TAFA4: variants seen among roughly 807,000 people sequenced by gnomAD.
TAFA4 encodes TAFA chemokine like family member 4, also known as chemokine-like protein TAFA-4.
A neutral mutation model predicts 21.1 loss-of-function variants in TAFA4; 20 were observed. That is an observed-to-expected ratio of 0.95 (90% CI 0.67 to 1.38). The LOEUF (loss-of-function observed/expected upper bound fraction) is 1.38, where lower values mean the gene tolerates loss of function less well. Ranked by LOEUF, TAFA4 falls within the 40% of genes most tolerant of loss-of-function variation. The pLI is 0.00. For synonymous variants in TAFA4, 71 were observed against 67.4 expected, an observed-to-expected ratio of 1.05 and a Z score of -0.26; for missense variants, 211 against 180.9, an observed-to-expected ratio of 1.17 and a Z score of -0.95.
At chr3:68,909,451 A>G (rs1559560406) in intron 1 of TAFA4, among the ~76,000 whole-genome samples, 1 of 152,304 alleles carries the variant, frequency 6.6e-6, no homozygotes, top group East Asian at 1.9e-4. Context: ...CTCAGTAAAT[A>G]TATCTACTGA....
chr3:68,858,837 A>T (rs1705131953), intron 3 of TAFA4, among the ~76,000 whole-genome samples: 1 of 152,028 alleles, frequency 6.6e-6, no homozygotes, highest in Non-Finnish European at 1.5e-5. Context: ...AAGAAACTTG[A>T]AATTTGAAAT....
At chr3:68,841,537 G>T (rs966405214) in intron 3 of TAFA4, among the ~76,000 whole-genome samples, 1 of 151,930 alleles carries the variant, frequency 6.6e-6, no homozygotes, top group Non-Finnish European at 1.5e-5. Context: ...TACTAGAGGG[G>T]TTTAAGAGGA....
chr3:68,809,738 G>A (rs1703791803), intron 3 of TAFA4, among the ~76,000 whole-genome samples: 1 of 152,058 alleles, frequency 6.6e-6, no homozygotes, highest in Non-Finnish European at 1.5e-5. Flanking sequence ...TGTACATGGT[G>A]TGAGACGAGA....
At chr3:68,787,114 A>G (rs941349496) in intron 3 of TAFA4, among the ~76,000 whole-genome samples, 1 of 152,204 alleles carries the variant, frequency 6.6e-6, no homozygotes, top group Admixed American at 6.5e-5. Flanking sequence ...ATAATTAAAG[A>G]AGAGTCAGTT....
Position 68,732,635 on chromosome 3 carries a change from A to G in TAFA4, c.*507T>C. 6.5e-6 allele frequency: 1 copy of G among 153,376 alleles called. No homozygotes were observed. 9.5% of individuals were successfully genotyped at this position (153,376 alleles called of 1,614,324 possible). A position where few individuals can be genotyped will look rare whatever the true frequency, so the allele number is the denominator to read the frequency against. On this transcript the variant is annotated 3_prime_UTR_variant, in exon 6 of 6. Coordinates refer to ENST00000295569, the MANE Select transcript of TAFA4 (RefSeq NM_182522.5). ...AATAAACGTTCTTTACCAGTTAATC[A>G]GTTGATCTCTAGCAGTAATTTTCTT...
intron 3 of TAFA4, among the ~76,000 whole-genome samples, chr3:68,838,914 T>C (rs896572752): frequency 2.6e-5 from 4 of 152,048 alleles, no homozygotes; most frequent in Admixed American, 6.6e-5. Context: ...CTGGGCAACA[T>C]GGTGAAACCC....
At chr3:68,760,439 G>A (rs888061938) in intron 3 of TAFA4, among the ~76,000 whole-genome samples, 3 of 152,176 alleles carry the variant, frequency 2.0e-5, no homozygotes, top group African/African-American at 4.8e-5. Flanking sequence ...GAAAGCATCA[G>A]ATTAGGGAGA....
chr3:68,779,281 T>C (rs1022540266), intron 3 of TAFA4, among the ~76,000 whole-genome samples: 1 of 152,162 alleles, frequency 6.6e-6, no homozygotes, highest in African/African-American at 2.4e-5. Flanking sequence ...TTTGGAAAAC[T>C]TGTAGCCTGA....
intron 3 of TAFA4, among the ~76,000 whole-genome samples, chr3:68,796,223 T>G (rs530240385): frequency 1.2e-3 from 187 of 152,076 alleles, no homozygotes; most frequent in African/African-American, 4.3e-3. Flanking sequence ...ATAACAATGA[T>G]TAGGAAATAA....
chr3:68,825,438 A>C (rs1051855756), intron 3 of TAFA4, among the ~76,000 whole-genome samples: 1 of 151,584 alleles, frequency 6.6e-6, no homozygotes, highest in African/African-American at 2.4e-5. Flanking sequence ...AATATAAATT[A>C]TTCTATTATA....
chr3:68,819,031 G>A lies in TAFA4; in HGVS notation c.130+61699C>T, dbSNP rs535862213. 2.6e-5 allele frequency among the ~76,000 whole-genome samples: 4 copies of A among 152,250 alleles called. No homozygotes were observed. The East Asian group carries it at 7.7e-4, about 29-fold the overall frequency. The stretch of plus-strand genomic sequence containing the variant: ...CATATGCCTACAATCCCAGCATTTT[G>A]GGAGGCCAAGGCAGGTGGATCACTC... On this transcript the variant is annotated intron_variant, in intron 3 of 5. Transcript: ENST00000295569.
chr3:68,774,259 A>C (rs1703009432), intron 3 of TAFA4, among the ~76,000 whole-genome samples: 1 of 152,240 alleles, frequency 6.6e-6, no homozygotes, highest in South Asian at 2.1e-4. Flanking sequence ...TAATGTTAAT[A>C]CTACTGAATT....
chr3:68,926,060 C>T (rs1178981057), intron 1 of TAFA4, among the ~76,000 whole-genome samples: 1 of 151,976 alleles, frequency 6.6e-6, no homozygotes, highest in Non-Finnish European at 1.5e-5. Flanking sequence ...GGTGAAACCC[C>T]GTCTCTACTA....
chr3:68,833,316 C>A (rs999944685), intron 3 of TAFA4, among the ~76,000 whole-genome samples: 2 of 152,168 alleles, frequency 1.3e-5, no homozygotes, highest in Non-Finnish European at 2.9e-5. Context: ...CCTATTCAGC[C>A]ATCTCGGAAG....
intron 1 of TAFA4, among the ~76,000 whole-genome samples, chr3:68,920,218 A>G (rs369973977): frequency 3.9e-5 from 6 of 152,342 alleles, no homozygotes; most frequent in African/African-American, 1.4e-4. Flanking sequence ...AATCTCCAAG[A>G]CACCAGTAAG....
chr3:68,927,893 CA>C (rs1209770129), intron 1 of TAFA4, among the ~76,000 whole-genome samples: 4,645 of 123,234 alleles, frequency 0.038, 220 homozygotes, highest in African/African-American at 0.12. Context: ...GACACCATCT[CA>C]AAAAAAAAAA....
At chr3:68,919,707 C>T (rs1325859952) in intron 1 of TAFA4, among the ~76,000 whole-genome samples, 2 of 152,174 alleles carry the variant, frequency 1.3e-5, no homozygotes, top group Admixed American at 6.5e-5. Context: ...AACATTTCCA[C>T]CATCACAGGG....
intron 3 of TAFA4, among the ~76,000 whole-genome samples, chr3:68,804,327 A>T (rs975824094): frequency 6.6e-6 from 1 of 152,222 alleles, no homozygotes; most frequent in Non-Finnish European, 1.5e-5. Flanking sequence ...AGAACATTCC[A>T]TGCTCATGGG....
At chr3:68,811,717 C>G (rs1703844130) in intron 3 of TAFA4, among the ~76,000 whole-genome samples, 1 of 152,136 alleles carries the variant, frequency 6.6e-6, no homozygotes, top group East Asian at 1.9e-4. Flanking sequence ...CTGAAAGTGA[C>G]GGGGAGAATG....
Sources: gnomAD v4.1 joint callset for allele counts (sites outside exome capture counted in the v4.1 genomes callset) on GRCh38, gnomAD v4.1.1 for gene constraint, MANE v1.5 for transcripts, NCBI Gene and HGNC (gene_info 2026-07-23, HGNC 2026-07-21) for gene names.